RAD51B: variants seen among roughly 807,000 people sequenced by gnomAD.
RAD51B encodes RAD51 paralog B.
RAD51B carries 38 observed loss-of-function variants against 42.2 expected under a neutral mutation model. The ratio of observed to expected loss-of-function variants is 0.90; its 90% confidence interval spans 0.70 to 1.18. The LOEUF is 1.18. Ranked by LOEUF, RAD51B falls within the 50% of genes most tolerant of loss-of-function variation. The pLI is 0.00. For synonymous variants in RAD51B, 154 were observed against 145.2 expected (o/e 1.06, Z -0.43); for missense variants, 373 against 400.7 (o/e 0.93, Z 0.59).
chr14:68,475,866 C>T (rs908252909), intron 10 of RAD51B, among the ~76,000 whole-genome samples: 3 of 151,944 alleles, frequency 2.0e-5, no homozygotes, highest in Non-Finnish European at 2.9e-5. Context: ...GGTAACAGTA[C>T]CAAAATATGT....
chr14:68,007,431 A>G (rs1458636643), intron 7 of RAD51B, among the ~76,000 whole-genome samples: 1 of 152,046 alleles, frequency 6.6e-6, no homozygotes, highest in African/African-American at 2.4e-5. Flanking sequence ...TATTTGAGGA[A>G]CTGCCGAACT....
intron 7 of RAD51B, among the ~76,000 whole-genome samples, chr14:67,995,247 G>A (rs760689949): frequency 2.6e-5 from 4 of 151,888 alleles, no homozygotes; most frequent in Non-Finnish European, 4.4e-5. Context: ...TTAGCTGGGC[G>A]TGGTTGGCAC....
chr14:68,482,603 A>G (rs1030626079), downstream of RAD51B, among the ~76,000 whole-genome samples: 4 of 152,174 alleles, frequency 2.6e-5, no homozygotes, highest in South Asian at 2.1e-4. Context: ...TTTATTTTCA[A>G]TATCATCACC....
intron 10 of RAD51B, among the ~76,000 whole-genome samples, chr14:68,494,352 G>A (rs143331045): frequency 2.0e-5 from 3 of 151,896 alleles, no homozygotes; most frequent in East Asian, 1.9e-4. Context: ...GTAGTTCTTC[G>A]GTTTTGTGAC....
intron 3 of RAD51B, among the ~76,000 whole-genome samples, chr14:67,833,854 C>G (rs1017725734): frequency 6.6e-6 from 1 of 152,238 alleles, no homozygotes; most frequent in Non-Finnish European, 1.5e-5. Flanking sequence ...TTACCTTCTT[C>G]TAGCTACCAT....
At chr14:68,399,151 A>G (rs2084011704) in intron 8 of RAD51B, among the ~76,000 whole-genome samples, 1 of 151,706 alleles carries the variant, frequency 6.6e-6, no homozygotes, top group Non-Finnish European at 1.5e-5. Flanking sequence ...GCCAACCTAC[A>G]TTTTCCCACT....
intron 7 of RAD51B, among the ~76,000 whole-genome samples, chr14:68,004,332 CA>C (rs767211363): frequency 0.047 from 2,691 of 57,458 alleles, 68 homozygotes; most frequent in African/African-American, 0.11. Context: ...GACTCCGTCT[CA>C]AAAAAAAAAA....
Position 68,565,497 on chromosome 14 carries a change from AAAG to A in RAD51B, c.1037-28984_1037-28982del, listed in dbSNP as rs535010379. ...AGAGTGAGACTCTGTCTCAAAAAAA[AAAG>A]AAGTTCTTTCTTACATTGAGGTGGA... is the stretch of plus-strand genomic sequence containing the variant. On this transcript the variant is annotated intron_variant, in intron 10 of 10. Coordinates refer to the RAD51B transcript ENST00000487270. The surrounding 1 kb of genome is among the most constrained non-coding windows in gnomAD (Gnocchi z 4.1). 4.9e-4 allele frequency among the ~76,000 whole-genome samples: 74 copies of A among 152,292 alleles called. No individual in the cohort carries two copies. Among genetic ancestry groups the A allele is most frequent in the African/African-American group, 1.3e-3 (55 of 41,560 alleles).
chr14:67,865,279 C>A, intron 5 of RAD51B, 140 bp downstream of exon 5: 3 of 861,558 alleles, frequency 3.5e-6, no homozygotes, highest in Non-Finnish European at 4.7e-6. Flanking sequence ...GCTCTGTTGC[C>A]GGGCTGGAGT....
At chr14:68,479,454 C>T (rs1566907030), downstream of RAD51B, among the ~76,000 whole-genome samples, 1 of 152,098 alleles carries the variant, frequency 6.6e-6, no homozygotes, top group Non-Finnish European at 1.5e-5. Context: ...ACTCTCTACC[C>T]AGAGGAAAGG....
intron 10 of RAD51B, among the ~76,000 whole-genome samples, chr14:68,472,399 A>G (rs2086148567): frequency 6.6e-6 from 1 of 152,134 alleles, no homozygotes; most frequent in Non-Finnish European, 1.5e-5. Context: ...GCTCTCCGGG[A>G]GCCCTCCTAG....
intron 2 of RAD51B, among the ~76,000 whole-genome samples, chr14:67,825,104 A>AT (rs2040776632): frequency 6.6e-6 from 1 of 150,554 alleles, no homozygotes; most frequent in Non-Finnish European, 1.5e-5. Flanking sequence ...AAAAAAAAAA[A>AT]AAAGGAAAGA....
intron 7 of RAD51B, among the ~76,000 whole-genome samples, chr14:68,200,905 G>T (rs888438175): frequency 2.0e-5 from 3 of 151,928 alleles, no homozygotes; most frequent in African/African-American, 7.3e-5. Flanking sequence ...CAATCCTCCC[G>T]CCTTGGTCTC....
chr14:68,547,378 A>G, intron 10 of RAD51B, among the ~76,000 whole-genome samples: 1 of 152,280 alleles, frequency 6.6e-6, no homozygotes, highest in Non-Finnish European at 1.5e-5. Context: ...TCCTGTCGGC[A>G]CGTACAGGCC....
Position 68,565,957 on chromosome 14 carries a change from C to G in RAD51B, c.1037-28528C>G, listed in dbSNP as rs920928400. Among the ~76,000 whole-genome samples, 1 of 152,162 alleles carries G rather than the reference C, an allele frequency of 6.6e-6. No individual in the cohort carries two copies. Among genetic ancestry groups the G allele is most frequent in the African/African-American group, 2.4e-5 (1 of 41,436 alleles). On this transcript the variant is annotated intron_variant, in intron 10 of 10. Coordinates refer to the RAD51B transcript ENST00000487270. The surrounding 1 kb of genome is among the most constrained non-coding windows in gnomAD (Gnocchi z 4.1). ...ACTCTTGCTGAAGGAAGTGTGTCTG[C>G]TTTTATACCTTGGGTATGTTGGGGT...
intron 7 of RAD51B, among the ~76,000 whole-genome samples, chr14:68,267,138 C>A (rs1455468958): frequency 6.6e-6 from 1 of 152,120 alleles, no homozygotes; most frequent in Non-Finnish European, 1.5e-5. Flanking sequence ...TAAAAAGCAA[C>A]TCGAAAAGGG....
chr14:68,530,208 C>T (rs1291620483), intron 10 of RAD51B, among the ~76,000 whole-genome samples: 1 of 151,922 alleles, frequency 6.6e-6, no homozygotes, highest in Non-Finnish European at 1.5e-5. Context: ...CTTTGGGAGG[C>T]AGAGGCAGGA....
chr14:68,313,147 G>C (rs1195492100), intron 8 of RAD51B, among the ~76,000 whole-genome samples: 1 of 152,206 alleles, frequency 6.6e-6, no homozygotes, highest in Admixed American at 6.5e-5. Context: ...AATTGCAACT[G>C]CTTATACCTG....
intron 7 of RAD51B, among the ~76,000 whole-genome samples, chr14:68,160,688 C>G (rs1219092053): frequency 1.3e-5 from 2 of 152,020 alleles, no homozygotes; most frequent in African/African-American, 2.4e-5. Flanking sequence ...GAAGTGGGTG[C>G]CTTGCTTGAT....
Sources: gnomAD v4.1 joint callset for allele counts (sites outside exome capture counted in the v4.1 genomes callset) on GRCh38, gnomAD v4.1.1 for gene constraint, Gnocchi (gnomAD v3.1) non-coding constraint, MANE v1.5 for transcripts, NCBI Gene and HGNC (gene_info 2026-07-23, HGNC 2026-07-21) for gene names.